UTP15: variants seen among roughly 807,000 people sequenced by gnomAD.
The protein encoded by UTP15 is U3 small nucleolar RNA-associated protein 15 homolog.
UTP15 carries 5 observed loss-of-function variants against 59.1 expected under a neutral mutation model. The ratio of observed to expected loss-of-function variants is 0.08; its 90% confidence interval spans 0.04 to 0.18. UTP15 has a LOEUF of 0.18. UTP15 is among the 10% of genes least tolerant of loss of function. UTP15 has a pLI of 1.00. For synonymous variants in UTP15, 211 were observed against 212.2 expected (o/e 0.99, Z 0.05); for missense variants, 494 against 616.7 (o/e 0.80, Z 2.11).
chr5:73,567,276 C>A lies in UTP15; in HGVS notation c.-69C>A. 1 of 974,716 alleles carries A rather than the reference C, an allele frequency of 1.0e-6. No individual in the cohort carries two copies. Among genetic ancestry groups the A allele is most frequent in the Non-Finnish European group, 1.5e-6 (1 of 651,788 alleles). The allele number at this position is 974,716 out of a possible 1,614,324, so 60.4% of individuals were successfully genotyped here. ...TTATTTTTCAGAATTAAGGCAGAGT[C>A]ACTGTAATTATTTCTAATACCAATT... On this transcript the variant is annotated 5_prime_UTR_variant, in exon 2 of 13. Transcript: ENST00000296792.
At chr5:73,570,471 A>G (rs1172760743) in intron 5 of UTP15, 115 bp from the exon 6 acceptor site, 1 of 1,022,468 alleles carries the variant, frequency 9.8e-7, no homozygotes, top group African/African-American at 1.6e-5. Flanking sequence ...ATATACATAT[A>G]TGTCTTTTTA....
At position 73,580,591 on chromosome 5, in the gene UTP15, CTT is replaced by C; in HGVS notation, c.*498_*499del. 2.6e-5 allele frequency: 4 copies of C among 151,478 alleles called. No individual in the cohort carries two copies. Among genetic ancestry groups the C allele is most frequent in the South Asian group, 2.1e-4 (1 of 4,736 alleles). The allele number at this position is 151,478 out of a possible 1,614,324, so 9.4% of individuals were successfully genotyped here. A position where few individuals can be genotyped will look rare whatever the true frequency, so the allele number is the denominator to read the frequency against. On this transcript the variant is annotated 3_prime_UTR_variant, in exon 13 of 13. Transcript: ENST00000296792. ...CCTTGCTTAGCTTGCTTCCTGTCTC[CTT>C]GATATCTACACTTGTCTTAGATCAC...
chr5:73,567,652 G>A (rs1212485175), intron 2 of UTP15: 3 of 357,114 alleles, frequency 8.4e-6, no homozygotes, highest in Non-Finnish European at 1.5e-5. Context: ...GCCTAGCACA[G>A]AACAGATGAT....
In UTP15 at chr5:73,582,181, C is replaced by T. The variant is rs1748339418; in HGVS notation, c.*2087C>T. The T allele has an allele frequency of 1.3e-5, 2 of 152,164 alleles. No homozygotes were observed. The highest frequency in any genetic ancestry group is 6.6e-5 in the Admixed American group (1 of 15,254). 9.4% of individuals were successfully genotyped at this position (152,164 alleles called of 1,614,324 possible). A position where few individuals can be genotyped will look rare whatever the true frequency, so the allele number is the denominator to read the frequency against. On this transcript the variant is annotated 3_prime_UTR_variant, in exon 13 of 13. Transcript: ENST00000296792. Reference sequence around the variant, plus strand: ...TTAACGAAAGTAGTTGATTCACTCTCGAAGTCCCTGAGTGTGAGCTCTTCA... The same window carrying T: ...TTAACGAAAGTAGTTGATTCACTCTTGAAGTCCCTGAGTGTGAGCTCTTCA...
intron 6 of UTP15, among the ~76,000 whole-genome samples, chr5:73,571,408 T>C (rs1289007707): frequency 6.6e-6 from 1 of 152,050 alleles, no homozygotes; most frequent in Non-Finnish European, 1.5e-5. Flanking sequence ...TGAGATGTTT[T>C]TCTCATTTTG....
chr5:73,574,586 C>T (rs184765542), intron 7 of UTP15, among the ~76,000 whole-genome samples: 48 of 151,676 alleles, frequency 3.2e-4, no homozygotes, highest in East Asian at 7.8e-4. Flanking sequence ...CTCCTGGCTT[C>T]GAGCGATCCC....
In UTP15 at chr5:73,570,573, A is replaced by C. The variant is rs201450548; in HGVS notation, c.548-13A>C. The C allele has an allele frequency of 5.0e-6, 8 of 1,611,558 alleles. No individual in the cohort carries two copies. Among genetic ancestry groups the C allele is most frequent in the Middle Eastern group, 1.7e-4 (1 of 6,050 alleles). The stretch of plus-strand genomic sequence containing the variant: ...AAACAGTCAAACTAAAAATTCAAAA[A>C]TTGACATTTTAGGATCATATGATCA... On this transcript the variant is annotated splice_polypyrimidine_tract_variant and intron_variant, in intron 5 of 12. Coordinates refer to ENST00000296792, the MANE Select transcript of UTP15 (RefSeq NM_032175.4).
At chr5:73,570,071 A>G (rs1747887963) in intron 5 of UTP15, among the ~76,000 whole-genome samples, 1 of 152,164 alleles carries the variant, frequency 6.6e-6, no homozygotes, top group South Asian at 2.1e-4. Flanking sequence ...GGCTCAAGTG[A>G]TCCACCTACC....
intron 7 of UTP15, among the ~76,000 whole-genome samples, chr5:73,573,115 C>T (rs890626477): frequency 6.6e-6 from 1 of 151,864 alleles, no homozygotes; most frequent in Non-Finnish European, 1.5e-5. Context: ...TACTTATTTT[C>T]TCCTTTGACA....
At chr5:73,566,810 T>C (rs1229708603) in intron 1 of UTP15, among the ~76,000 whole-genome samples, 1 of 152,248 alleles carries the variant, frequency 6.6e-6, no homozygotes, top group African/African-American at 2.4e-5. Flanking sequence ...ATTAGCTTTG[T>C]GTTTCTTACT....
intron 9 of UTP15, chr5:73,578,407 T>A: frequency 3.5e-6 from 1 of 286,290 alleles, no homozygotes; most frequent in Non-Finnish European, 6.6e-6. Flanking sequence ...GATCTCATTA[T>A]CTCTGATTGT....
chr5:73,566,370 T>C (rs1278904177), intron 1 of UTP15, among the ~76,000 whole-genome samples: 2 of 152,238 alleles, frequency 1.3e-5, no homozygotes, highest in Non-Finnish European at 2.9e-5. Flanking sequence ...AGACCATGTC[T>C]TTATTTCATT....
In UTP15 at chr5:73,569,800, A is replaced by T. The variant is rs1747879352; in HGVS notation, c.547+125A>T. Reference sequence around the variant, plus strand: ...TTATAAAGGAATATGTTTCTGATTAATTCTTCAGTTTTTAAATTAATTTTT... The same window carrying T: ...TTATAAAGGAATATGTTTCTGATTATTTCTTCAGTTTTTAAATTAATTTTT... On this transcript the variant is annotated intron_variant, in intron 5 of 12. Coordinates refer to ENST00000296792, the MANE Select transcript of UTP15 (RefSeq NM_032175.4). 4.0e-6 allele frequency: 3 copies of T among 742,236 alleles called. No individual in the cohort carries two copies. In the South Asian group the frequency reaches 7.4e-5, roughly 18 times the overall value. The allele number at this position is 742,236 out of a possible 1,614,324, so 46.0% of individuals were successfully genotyped here. A position where few individuals can be genotyped will look rare whatever the true frequency, so the allele number is the denominator to read the frequency against.
At chr5:73,576,087 G>T (rs1328934888) in intron 7 of UTP15, among the ~76,000 whole-genome samples, 8 of 141,592 alleles carry the variant, frequency 5.7e-5, no homozygotes, top group Non-Finnish European at 1.1e-4. Context: ...CTGTCCTTCT[G>T]TTTTTTTTTT....
chr5:73,574,869 A>T (rs149912518), intron 7 of UTP15, among the ~76,000 whole-genome samples: 102 of 152,318 alleles, frequency 6.7e-4, no homozygotes, highest in Middle Eastern at 3.4e-3. Flanking sequence ...CAGCATGTTA[A>T]TTAAAAAGTA....
chr5:73,571,797 G>A (rs956887262), intron 6 of UTP15, among the ~76,000 whole-genome samples: 11 of 152,120 alleles, frequency 7.2e-5, no homozygotes, highest in Admixed American at 6.5e-4. Context: ...AAAGAAAAAA[G>A]TTGATAATGT....
intron 6 of UTP15, among the ~76,000 whole-genome samples, chr5:73,571,947 T>TA (rs1747945475): frequency 6.6e-6 from 1 of 152,330 alleles, no homozygotes; most frequent in African/African-American, 2.4e-5. Context: ...TTAAGGTCTC[T>TA]AGACCTTGAA....
At chr5:73,567,601 T>C (rs1365868513) in intron 2 of UTP15, 167 bp downstream of exon 2, 2 of 484,484 alleles carry the variant, frequency 4.1e-6, no homozygotes, top group Non-Finnish European at 7.4e-6. Context: ...TGGAATTTTA[T>C]GTAAAAGTCC....
At chr5:73,572,959 G>A (rs1017643758) in intron 7 of UTP15, among the ~76,000 whole-genome samples, 7 of 151,828 alleles carry the variant, frequency 4.6e-5, no homozygotes, top group South Asian at 2.1e-4. Context: ...CACAATGCCC[G>A]GCTAAGTTTT....
Sources: gnomAD v4.1 joint callset for allele counts (sites outside exome capture counted in the v4.1 genomes callset) on GRCh38, gnomAD v4.1.1 for gene constraint, MANE v1.5 for transcripts, NCBI Gene and HGNC (gene_info 2026-07-23, HGNC 2026-07-21) for gene names.